DCUN1D4: variants seen among roughly 807,000 people sequenced by gnomAD.
DCUN1D4 encodes DCN1-like protein 4.
DCUN1D4 carries 22 observed loss-of-function variants against 47.9 expected under a neutral mutation model. That is an observed-to-expected ratio of 0.46 (90% confidence interval 0.33 to 0.66). The LOEUF is 0.66. DCUN1D4 is among the 30% of genes least tolerant of loss of function. The pLI is 0.02. For missense variants in DCUN1D4, 301 were observed against 340.8 expected, an observed-to-expected ratio of 0.88 and a Z score of 0.92; for synonymous variants, 121 against 112.2, an observed-to-expected ratio of 1.08 and a Z score of -0.50.
intron 1 of DCUN1D4, among the ~76,000 whole-genome samples, chr4:51,851,432 C>CAGGT (rs2109824611): frequency 6.6e-6 from 1 of 152,134 alleles, no homozygotes; most frequent in East Asian, 1.9e-4. Flanking sequence ...CATATGGGGT[C>CAGGT]AGGTGGGAGC....
chr4:51,856,458 AT>A (rs1724155011), intron 1 of DCUN1D4, among the ~76,000 whole-genome samples: 2 of 152,058 alleles, frequency 1.3e-5, no homozygotes, highest in African/African-American at 4.8e-5. Context: ...CAGTTTTAAA[AT>A]TTTTTTCTTT....
rs2110152433 is a variant in DCUN1D4, at chr4:51,914,070, T to C, written c.*486T>C. 6.5e-6 allele frequency: 1 copy of C among 153,584 alleles called. No homozygotes were observed. The highest frequency in any genetic ancestry group is 2.1e-4 in the South Asian group (1 of 4,856). The allele number at this position is 153,584 out of a possible 1,614,324, so 9.5% of individuals were successfully genotyped here. ...CCTTACTGTTTAAGAGGCCAACTTC[T>C]GGAAGGAGGTAGGAGTCATAACTTT... On this transcript the variant is annotated 3_prime_UTR_variant, in exon 11 of 11. Coordinates refer to ENST00000334635, the MANE Select transcript of DCUN1D4 (RefSeq NM_001040402.3).
intron 8 of DCUN1D4, 147 bp downstream of exon 8, chr4:51,899,525 A>G: frequency 1.4e-6 from 2 of 1,453,894 alleles, no homozygotes; most frequent in Non-Finnish European, 1.8e-6. Flanking sequence ...TTCTACATGT[A>G]TGCTTTTGAA....
intron 8 of DCUN1D4, among the ~76,000 whole-genome samples, chr4:51,908,263 A>G (rs778804550): frequency 2.0e-5 from 3 of 152,228 alleles, no homozygotes; most frequent in Non-Finnish European, 4.4e-5. Context: ...GAAAAATGAC[A>G]CAAAATTCCG....
chr4:51,834,112 T>TC, the DCUN1D4 span, among the ~76,000 whole-genome samples: 2 of 126,528 alleles, frequency 1.6e-5, no homozygotes, highest in African/African-American at 3.9e-5. Flanking sequence ...TCTTTTTTTT[T>TC]TCTTTTTTTT....
At chr4:51,844,741 A>G (rs1035255073) in intron 1 of DCUN1D4, 15 of 758,788 alleles carry the variant, frequency 2.0e-5, no homozygotes, top group Non-Finnish European at 2.2e-5. Flanking sequence ...TCTCCAGTCA[A>G]CGGGTATGAA....
At chr4:51,851,218 A>G (rs544989326) in intron 1 of DCUN1D4, among the ~76,000 whole-genome samples, 1 of 152,228 alleles carries the variant, frequency 6.6e-6, no homozygotes, top group Non-Finnish European at 1.5e-5. Context: ...TGTGTGGGGG[A>G]GACCGGGGCT....
intron 5 of DCUN1D4, among the ~76,000 whole-genome samples, chr4:51,882,458 C>G (rs1728808463): frequency 6.6e-6 from 1 of 152,288 alleles, no homozygotes; most frequent in East Asian, 1.9e-4. Context: ...ATGCAGGCGG[C>G]TTGCTAGGCT....
chr4:51,914,905 G>T lies in DCUN1D4; in HGVS notation c.*1321G>T, dbSNP rs1431408426. On this transcript the variant is annotated 3_prime_UTR_variant, in exon 11 of 11. Coordinates refer to ENST00000334635, the MANE Select transcript of DCUN1D4 (RefSeq NM_001040402.3). The stretch of plus-strand genomic sequence containing the variant: ...CCCCAACTATCTGGTGCTATTGAAT[G>T]ACTAATTCAGTCCCTAAAGTTCTGT... 7.1e-6 allele frequency: 1 copy of T among 141,146 alleles called. No homozygotes were observed. Among genetic ancestry groups the T allele is most frequent in the Admixed American group, 7.6e-5 (1 of 13,132 alleles). 8.7% of individuals were successfully genotyped at this position (141,146 alleles called of 1,614,324 possible).
At chr4:51,879,651 A>G (rs1728222848) in intron 5 of DCUN1D4, among the ~76,000 whole-genome samples, 1 of 152,266 alleles carries the variant, frequency 6.6e-6, no homozygotes, top group South Asian at 2.1e-4. Context: ...TTCTGTAAAT[A>G]GGTTCTGAAT....
chr4:51,905,010 T>A (rs897071442), intron 8 of DCUN1D4, among the ~76,000 whole-genome samples: 1 of 152,136 alleles, frequency 6.6e-6, no homozygotes, highest in Non-Finnish European at 1.5e-5. Flanking sequence ...GAAACTACAG[T>A]ACAACACCAG....
chr4:51,844,916 C>T, intron 1 of DCUN1D4: 13 of 985,556 alleles, frequency 1.3e-5, no homozygotes, highest in Non-Finnish European at 1.6e-5. Context: ...CGGCCAGCTC[C>T]TGCGCGCTCT....
intron 6 of DCUN1D4, among the ~76,000 whole-genome samples, chr4:51,889,373 C>T (rs908874670): frequency 6.6e-6 from 1 of 152,172 alleles, no homozygotes; most frequent in Non-Finnish European, 1.5e-5. Context: ...CCTCACTTTG[C>T]CTGATATTTA....
intron 2 of DCUN1D4, 53 bp downstream of exon 2, chr4:51,863,560 G>A: frequency 1.3e-6 from 2 of 1,577,880 alleles, no homozygotes; most frequent in Non-Finnish European, 1.7e-6. Context: ...TAGTCATTTT[G>A]TATAAGTGTA....
In DCUN1D4 at chr4:51,863,688, G is replaced by A. The variant is rs1725448328; in HGVS notation, c.115G>A (p.Gly39Ser). The change falls in exon 3 of 11, where the codon GGC becomes AGC. Residue 39 changes from glycine to serine, a missense_variant. Transcript: ENST00000334635. ...CTTTCAGAACCTAACAGAAGACATT[G>A]GCCAAGACGATCACCAAACAGGTAT... Reference protein sequence around the residue: ...LNKLNLTEDIGQDDHQTGSLR... With the variant: ...LNKLNLTEDISQDDHQTGSLR... 6 of 1,613,448 alleles carry A rather than the reference G, an allele frequency of 3.7e-6. No homozygotes were observed. In the East Asian group the frequency reaches 1.1e-4, roughly 30 times the overall value.
At chr4:51,884,073 A>G (rs1258131526) in intron 5 of DCUN1D4, among the ~76,000 whole-genome samples, 2 of 151,646 alleles carry the variant, frequency 1.3e-5, no homozygotes, top group African/African-American at 4.8e-5. Flanking sequence ...ACCCCAGAAA[A>G]AAGTAACAGA....
chr4:51,883,030 G>A (rs532973376), intron 5 of DCUN1D4, among the ~76,000 whole-genome samples: 94 of 152,130 alleles, frequency 6.2e-4, no homozygotes, highest in Non-Finnish European at 1.2e-3. Flanking sequence ...AAATACTTTA[G>A]TAGAATGATG....
chr4:51,874,183 G>A, intron 3 of DCUN1D4, 88 bp from the exon 4 acceptor site: 1 of 710,108 alleles, frequency 1.4e-6, no homozygotes. Flanking sequence ...AGCTGTGGAA[G>A]TGTTTAAATT....
upstream of DCUN1D4, chr4:51,843,101 C>T: frequency 1.4e-6 from 2 of 1,447,834 alleles, no homozygotes; most frequent in Admixed American, 4.8e-5. Flanking sequence ...CGCGGTTTAG[C>T]CAATGGAGAA....
Sources: allele counts gnomAD v4.1 joint callset (sites outside exome capture counted in the v4.1 genomes callset), GRCh38; gene constraint gnomAD v4.1.1; transcripts MANE v1.5; gene names NCBI Gene and HGNC (gene_info 2026-07-23, HGNC 2026-07-21).